CNTNAP2: variants seen among roughly 807,000 people sequenced by gnomAD.
CNTNAP2 encodes the protein contactin-associated protein-like 2.
Under a neutral mutation model 155.2 loss-of-function variants are expected in CNTNAP2, and 98 were observed. The ratio of observed to expected loss-of-function variants is 0.63; its 90% CI spans 0.54 to 0.75. The LOEUF is 0.75. CNTNAP2 is among the 30% of genes least tolerant of loss of function. The pLI is 0.00. For synonymous variants in CNTNAP2, 651 were observed against 631.2 expected (o/e 1.03, Z -0.47); for missense variants, 1,727 against 1,688.1 (o/e 1.02, Z -0.40).
chr7:147,580,409 C>T (rs1231953238), intron 12 of CNTNAP2, among the ~76,000 whole-genome samples: 1 of 152,118 alleles, frequency 6.6e-6, no homozygotes, highest in Non-Finnish European at 1.5e-5. Flanking sequence ...ATATTAATTA[C>T]CTAGTCACAT....
intron 13 of CNTNAP2, among the ~76,000 whole-genome samples, chr7:147,681,628 C>T (rs903277184): frequency 6.6e-6 from 1 of 151,910 alleles, no homozygotes; most frequent in Non-Finnish European, 1.5e-5. Flanking sequence ...TGAAATTCAC[C>T]TCCTGAAAAT....
chr7:148,194,757 A>T (rs1441807694), intron 18 of CNTNAP2, among the ~76,000 whole-genome samples: 3 of 152,174 alleles, frequency 2.0e-5, no homozygotes, highest in Admixed American at 6.5e-5. Flanking sequence ...GCTCAAGAAA[A>T]AAAAGAGACA....
chr7:147,587,600 T>C (rs1800655256), intron 12 of CNTNAP2, among the ~76,000 whole-genome samples: 1 of 152,208 alleles, frequency 6.6e-6, no homozygotes, highest in Admixed American at 6.6e-5. Flanking sequence ...GAGTTGGAAG[T>C]GTTCTGTTGA....
chr7:147,870,475 T>A (rs1412010630), intron 13 of CNTNAP2, among the ~76,000 whole-genome samples: 3 of 151,984 alleles, frequency 2.0e-5, no homozygotes, highest in Non-Finnish European at 2.9e-5. Flanking sequence ...TGGTGGTGGA[T>A]CCCAAGCAGC....
intron 1 of CNTNAP2, among the ~76,000 whole-genome samples, chr7:146,657,734 T>C (rs1800019329): frequency 1.3e-5 from 2 of 152,128 alleles, no homozygotes; most frequent in African/African-American, 4.8e-5. Context: ...GGGACTTCCA[T>C]GAACCATATA....
intron 1 of CNTNAP2, among the ~76,000 whole-genome samples, chr7:146,477,786 G>A (rs1170920125): frequency 1.3e-5 from 2 of 151,978 alleles, no homozygotes; most frequent in South Asian, 2.1e-4. Context: ...GATTTGTGGC[G>A]TTATGTTTAA....
chr7:146,266,820 C>T (rs550757169), intron 1 of CNTNAP2, among the ~76,000 whole-genome samples: 4 of 151,650 alleles, frequency 2.6e-5, no homozygotes, highest in African/African-American at 7.3e-5. Flanking sequence ...TTTACTCACA[C>T]TCCGTCCACA....
chr7:146,543,142 A>G (rs1797976253), intron 1 of CNTNAP2, among the ~76,000 whole-genome samples: 1 of 151,962 alleles, frequency 6.6e-6, no homozygotes, highest in Non-Finnish European at 1.5e-5. Context: ...CTATACATAT[A>G]CATATATAAA....
intron 1 of CNTNAP2, among the ~76,000 whole-genome samples, chr7:146,402,700 A>T (rs2129108796): frequency 6.6e-6 from 1 of 152,270 alleles, no homozygotes; most frequent in South Asian, 2.1e-4. Context: ...TTATTAGCCT[A>T]TATAAACACA....
chr7:146,858,002 G>A lies in CNTNAP2; in HGVS notation c.402+18098G>A, dbSNP rs1795024501. Among the ~76,000 whole-genome samples the A allele has an allele frequency of 2.0e-5, 3 of 152,304 alleles. No homozygotes were observed. The South Asian group carries it at 6.2e-4, about 32-fold the overall frequency. On this transcript the variant is annotated intron_variant, in intron 3 of 23. Coordinates refer to ENST00000361727, the MANE Select transcript of CNTNAP2 (RefSeq NM_014141.6). ...CAACAAGTCACACTTATCAGAATAA[G>A]TTTGAAAGTGGAAAGAAAGAAGACG...
chr7:147,824,263 A>T (rs1408467642), intron 13 of CNTNAP2, among the ~76,000 whole-genome samples: 1 of 152,122 alleles, frequency 6.6e-6, no homozygotes, highest in Non-Finnish European at 1.5e-5. Flanking sequence ...AGAGAGTAGA[A>T]TTTCTTCCTT....
At chr7:147,290,474 A>T (rs1432936745) in intron 8 of CNTNAP2, among the ~76,000 whole-genome samples, 1 of 152,054 alleles carries the variant, frequency 6.6e-6, no homozygotes, top group Non-Finnish European at 1.5e-5. Context: ...TGAGCTCAGG[A>T]GTTCAAGACC....
At chr7:146,931,115 C>T (rs1389133541) in intron 3 of CNTNAP2, among the ~76,000 whole-genome samples, 1 of 151,226 alleles carries the variant, frequency 6.6e-6, no homozygotes, top group Admixed American at 6.6e-5. Context: ...CTCTCCACCC[C>T]AAATCAACAG....
chr7:146,595,713 A>C (rs369723), intron 1 of CNTNAP2, among the ~76,000 whole-genome samples: 74,026 of 151,806 alleles, frequency 0.49, 18,590 homozygotes, highest in South Asian at 0.57. Flanking sequence ...TGCTTACTAA[A>C]TCTAGTCTCC....
chr7:146,846,157 T>G (rs1803836906), intron 3 of CNTNAP2, among the ~76,000 whole-genome samples: 2 of 152,196 alleles, frequency 1.3e-5, no homozygotes, highest in Non-Finnish European at 2.9e-5. Flanking sequence ...TAATAACTTC[T>G]ACTTCACTTA....
intron 1 of CNTNAP2, among the ~76,000 whole-genome samples, chr7:146,513,457 G>A (rs989107058): frequency 3.3e-5 from 5 of 151,686 alleles, no homozygotes; most frequent in African/African-American, 1.2e-4. Flanking sequence ...TTTATTTTGT[G>A]TGTCTCTTAT....
rs922030100 is a variant in CNTNAP2 at position 146,443,042 on chromosome 7, T to TA, written c.97+326079dup. ...TAGCACAGTGAAACCCCGTTTCTAC[T>TA]AAAAAAAAAATACAAAAAAAAATTA... On this transcript the variant is annotated intron_variant, in intron 1 of 23. Coordinates refer to ENST00000361727, the MANE Select transcript of CNTNAP2 (RefSeq NM_014141.6). Among the ~76,000 whole-genome samples the TA allele has an allele frequency of 4.2e-3, 613 of 146,904 alleles. 3 individuals carry two copies. Among genetic ancestry groups the TA allele is most frequent in the African/African-American group, 0.013 (513 of 40,128 alleles).
intron 21 of CNTNAP2, among the ~76,000 whole-genome samples, chr7:148,349,088 C>T (rs990680738): frequency 9.2e-5 from 14 of 152,082 alleles, no homozygotes; most frequent in Non-Finnish European, 2.9e-5. Context: ...ATGGAGCTGA[C>T]TTGCTGGTGA....
At chr7:146,490,464 CT>C in intron 1 of CNTNAP2, among the ~76,000 whole-genome samples, 1 of 152,136 alleles carries the variant, frequency 6.6e-6, no homozygotes, top group Non-Finnish European at 1.5e-5. Context: ...ATAAAATGGT[CT>C]AAACATGTTT....
Sources: gnomAD v4.1 joint callset for allele counts (sites outside exome capture counted in the v4.1 genomes callset) on GRCh38, gnomAD v4.1.1 for gene constraint, MANE v1.5 for transcripts, NCBI Gene and HGNC (gene_info 2026-07-23, HGNC 2026-07-21) for gene names.